The following ADGRL3 variants were observed in gnomAD, a reference collection of about 807,000 sequenced individuals.
ADGRL3 encodes the protein adhesion G protein-coupled receptor L3, also known as calcium-independent alpha-latrotoxin receptor 3.
In ADGRL3, 62 loss-of-function variants were observed where a neutral mutation model predicts 153.5. The ratio of observed to expected loss-of-function variants is 0.40; its 90% confidence interval spans 0.33 to 0.50. ADGRL3 has a LOEUF of 0.50. ADGRL3 is among the 20% of genes least tolerant of loss of function. ADGRL3 has a pLI of 0.47. For missense variants in ADGRL3, 1,641 were observed against 1,859.4 expected (o/e 0.88, Z 2.16); for synonymous variants, 710 against 672.5 (o/e 1.06, Z -0.86).
At chr4:61,486,030 G>A (rs1301533329) in intron 2 of ADGRL3, among the ~76,000 whole-genome samples, 4 of 151,818 alleles carry the variant, frequency 2.6e-5, no homozygotes, top group East Asian at 1.9e-4. Flanking sequence ...TGCAAGCTCC[G>A]CCTCCCAGGT....
intron 15 of ADGRL3, among the ~76,000 whole-genome samples, chr4:61,939,641 TG>T (rs1323744745): frequency 6.6e-6 from 1 of 152,096 alleles, no homozygotes; most frequent in Non-Finnish European, 1.5e-5. Context: ...GGCTAATTTT[TG>T]TATTTTTAGT....
chr4:61,627,440 G>T (rs773816049), intron 5 of ADGRL3, among the ~76,000 whole-genome samples: 10 of 152,006 alleles, frequency 6.6e-5, no homozygotes, highest in Non-Finnish European at 1.2e-4. Flanking sequence ...GGCCAACATG[G>T]TGAAACCCCC....
At chr4:61,475,647 A>G (rs1209434025) in intron 2 of ADGRL3, among the ~76,000 whole-genome samples, 1 of 152,070 alleles carries the variant, frequency 6.6e-6, no homozygotes, top group African/African-American at 2.4e-5. Context: ...TTATCAAACT[A>G]CTTGCCAAGA....
chr4:61,928,801 G>C (rs191870260), intron 13 of ADGRL3, among the ~76,000 whole-genome samples: 240 of 152,044 alleles, frequency 1.6e-3, no homozygotes, highest in Middle Eastern at 3.4e-3. Flanking sequence ...TGGGGAGACA[G>C]GGCAAAAATT....
chr4:61,775,649 C>A, intron 8 of ADGRL3: 1 of 1,500,644 alleles, frequency 6.7e-7, no homozygotes, highest in Non-Finnish European at 9.2e-7. Context: ...GCACAAAGGG[C>A]CTCCACCAAC....
In ADGRL3 at chr4:61,909,686, G is replaced by A; in HGVS notation, c.2014G>A (p.Val672Ile). Reference protein sequence around the residue: ...AMDQLVGLLDVQLRNLTPGGK... With the variant: ...AMDQLVGLLDIQLRNLTPGGK... ...GGACCAGCTGGTAGGCCTCCTAGAT[G>A]TACAGCTTCGGAACTTGACCCCAGG... Residue 672 changes from valine to isoleucine, a missense_variant, in exon 12 of 27, where the codon GTA becomes ATA. Around this residue, in one of 5 missense-constraint regions of ADGRL3, gnomAD observed 734 missense variants for 797.0 expected, o/e 0.92. Coordinates refer to ENST00000683033, the MANE Select transcript of ADGRL3 (RefSeq NM_001387552.1). The A allele has an allele frequency of 6.3e-7, 1 of 1,597,780 alleles. No individual in the cohort carries two copies. The highest frequency in any genetic ancestry group is 8.5e-7 in the Non-Finnish European group (1 of 1,171,716).
At chr4:61,388,295 C>G (rs1325677838) in intron 2 of ADGRL3, among the ~76,000 whole-genome samples, 1 of 152,146 alleles carries the variant, frequency 6.6e-6, no homozygotes, top group Non-Finnish European at 1.5e-5. Flanking sequence ...CAATGCCTAT[C>G]TTAAGGACTA....
intron 11 of ADGRL3, among the ~76,000 whole-genome samples, chr4:61,909,322 T>A (rs2098711014): frequency 1.3e-5 from 2 of 152,180 alleles, no homozygotes; most frequent in East Asian, 3.9e-4. Context: ...TAAGCATGAT[T>A]TTTCAAAGTA....
chr4:61,788,717 A>G (rs1269506011), intron 8 of ADGRL3, among the ~76,000 whole-genome samples: 2 of 152,206 alleles, frequency 1.3e-5, no homozygotes, highest in Non-Finnish European at 2.9e-5. Context: ...AGAATTTAGG[A>G]GGCTGATTAT....
chr4:62,002,421 AATT>A (rs1191031992), intron 21 of ADGRL3, among the ~76,000 whole-genome samples: 1 of 151,182 alleles, frequency 6.6e-6, no homozygotes, highest in East Asian at 1.9e-4. Flanking sequence ...TAATTAATTA[AATT>A]ATTATTTTAT....
At chr4:62,048,424 G>A (rs773074526) in intron 25 of ADGRL3, among the ~76,000 whole-genome samples, 1 of 151,610 alleles carries the variant, frequency 6.6e-6, no homozygotes, top group African/African-American at 2.4e-5. Flanking sequence ...CACCACACCC[G>A]GCTAATTTTT....
chr4:61,742,451 T>A (rs2096593518), intron 8 of ADGRL3, among the ~76,000 whole-genome samples: 1 of 151,936 alleles, frequency 6.6e-6, no homozygotes, highest in South Asian at 2.1e-4. Flanking sequence ...GCTAATTTTT[T>A]TTGTATTTTT....
chr4:61,556,003 A>T (rs533718488), intron 4 of ADGRL3, among the ~76,000 whole-genome samples: 1 of 152,218 alleles, frequency 6.6e-6, no homozygotes, highest in Non-Finnish European at 1.5e-5. Context: ...CTGTCCTCTT[A>T]TCTCATCCTG....
rs774642760 is a variant in ADGRL3 at position 62,031,624 on chromosome 4, C to CT, written c.3591+21dup. 77 of 1,571,784 alleles carry CT rather than the reference C, an allele frequency of 4.9e-5. No homozygotes were observed. Among genetic ancestry groups the CT allele is most frequent in the Admixed American group, 1.4e-4 (8 of 56,320 alleles). ...CTACAGAAGAAGGTAAGCTAGAATT[C>CT]TTTTTTTAAAATAAAAATGGCATAC... is the stretch of plus-strand genomic sequence containing the variant. On this transcript the variant is annotated intron_variant, in intron 23 of 26. Transcript: ENST00000683033.
chr4:61,304,478 C>G (rs1441486692), intron 1 of ADGRL3, among the ~76,000 whole-genome samples: 3 of 152,160 alleles, frequency 2.0e-5, no homozygotes, highest in Admixed American at 2.0e-4. Flanking sequence ...AAAAGGTAGT[C>G]TTTATGCCTG....
intron 8 of ADGRL3, among the ~76,000 whole-genome samples, chr4:61,737,412 C>T (rs1258691531): frequency 6.6e-6 from 1 of 152,128 alleles, no homozygotes; most frequent in East Asian, 1.9e-4. Context: ...TAAAGATCCT[C>T]TGGTGACACT....
chr4:61,648,349 CTTTTTTT>C (rs34166403), intron 5 of ADGRL3, among the ~76,000 whole-genome samples: 2 of 99,670 alleles, frequency 2.0e-5, no homozygotes, highest in African/African-American at 3.9e-5. Flanking sequence ...ATGAAATCGG[CTTTTTTT>C]TTTTTTTTTT....
At chr4:61,863,301 G>A (rs2098365341) in intron 9 of ADGRL3, among the ~76,000 whole-genome samples, 1 of 146,086 alleles carries the variant, frequency 6.8e-6, no homozygotes, top group Admixed American at 6.8e-5. Context: ...GCAGTGGCGG[G>A]ATCTCGGCTC....
At chr4:61,908,270 A>G (rs1028186925) in intron 11 of ADGRL3, among the ~76,000 whole-genome samples, 1 of 152,078 alleles carries the variant, frequency 6.6e-6, no homozygotes, top group Non-Finnish European at 1.5e-5. Context: ...AGCCTGTGTG[A>G]CAGTGAGACC....
Sources: gnomAD v4.1 joint callset for allele counts (sites outside exome capture counted in the v4.1 genomes callset) on GRCh38, gnomAD v4.1.1 for gene constraint, gnomAD v4.1.1 regional missense constraint, MANE v1.5 for transcripts, NCBI Gene and HGNC (gene_info 2026-07-23, HGNC 2026-07-21) for gene names.